The following FARP2 variants were observed in gnomAD, a reference collection of about 807,000 sequenced individuals.
FARP2 encodes FERM, ARH/RhoGEF and pleckstrin domain protein 2.
In FARP2, 111 loss-of-function variants were observed where a neutral mutation model predicts 130.5. That is an observed-to-expected ratio of 0.85 (90% CI 0.73 to 1.00). The LOEUF (loss-of-function observed/expected upper bound fraction) is 1.00, where lower values mean the gene tolerates loss of function less well. Among genes scored for constraint, FARP2 ranks in the 50% least tolerant of loss-of-function variants. The pLI, the probability that FARP2 is intolerant of heterozygous loss-of-function variation, is 0.00. For synonymous variants in FARP2, 504 were observed against 516.9 expected (o/e 0.98, Z 0.34); for missense variants, 1,385 against 1,346.3 (o/e 1.03, Z -0.45).
intron 21 of FARP2, among the ~76,000 whole-genome samples, chr2:241,487,277 A>T (rs62190415): frequency 6.6e-6 from 1 of 152,172 alleles, no homozygotes; most frequent in African/African-American, 2.4e-5. Context: ...GGAACCCAGC[A>T]AATGCTTGTT....
intron 8 of FARP2, among the ~76,000 whole-genome samples, chr2:241,426,229 A>G (rs2150386926): frequency 6.6e-6 from 1 of 152,276 alleles, no homozygotes; most frequent in South Asian, 2.1e-4. Context: ...CCAGGGACTC[A>G]TTTCTTTTGC....
At chr2:241,368,635 G>A (rs1375455121) in intron 1 of FARP2, among the ~76,000 whole-genome samples, 1 of 152,056 alleles carries the variant, frequency 6.6e-6, no homozygotes, top group Non-Finnish European at 1.5e-5. Context: ...TTCTATTAAT[G>A]TATTTTTTTA....
chr2:241,402,839 TATATATATATATATATATATATATA>T lies in FARP2; in HGVS notation c.184-988_184-964del, dbSNP rs2062208522. 2.9e-4 allele frequency among the ~76,000 whole-genome samples: 9 copies of T among 30,850 alleles called. 1 individual carries two copies. The highest frequency in any genetic ancestry group is 1.4e-3 in the South Asian group (1 of 700). The allele number at this position is 30,850 out of a possible 152,430, so 20.2% of individuals were successfully genotyped here. On this transcript the variant is annotated intron_variant, in intron 2 of 26. Coordinates refer to ENST00000264042, the MANE Select transcript of FARP2 (RefSeq NM_014808.4). ...CACGCCACTACACCCAGCTAATTTA[TATATATATATATATATATATATATA>T]TATATATATATATATATTTTTTTTT...
Position 241,411,044 on chromosome 2 carries a change from C to T in FARP2, c.422C>T (p.Ala141Val), listed in dbSNP as rs1384099620. 6.2e-7 allele frequency: 1 copy of T among 1,608,344 alleles called. No homozygotes were observed. The highest frequency in any genetic ancestry group is 1.1e-5 in the South Asian group (1 of 90,198). Residue 141 changes from alanine to valine, a missense_variant, in exon 6 of 27, where the codon GCC becomes GTC. Ala to Val is a moderately conservative substitution (Grantham distance 64, BLOSUM62 0). Transcript: ENST00000264042. ...LQEEYTRYLF[A>V]LQLKRDLLEE... ...GAACTCTCTTCTAGATACTTGTTTG[C>T]CTTGCAACTTAAGAGAGACCTGCTG...
intron 22 of FARP2, 81 bp from the exon 23 acceptor site, chr2:241,490,980 C>G (rs1176760316): frequency 9.4e-7 from 1 of 1,064,974 alleles, no homozygotes; most frequent in African/African-American, 1.5e-5. Flanking sequence ...AACAGGTGCC[C>G]TGACGGCTCG....
intron 2 of FARP2, among the ~76,000 whole-genome samples, chr2:241,399,597 A>G (rs1162258664): frequency 1.3e-5 from 2 of 152,196 alleles, no homozygotes; most frequent in Non-Finnish European, 2.9e-5. Flanking sequence ...GGCATGAGCC[A>G]CCACACCCAG....
In FARP2 at chr2:241,373,211, T is replaced by C. The variant is rs753162768; in HGVS notation, c.104T>C (p.Leu35Pro). 1.9e-6 allele frequency: 3 copies of C among 1,575,982 alleles called. No individual in the cohort carries two copies. The highest frequency in any genetic ancestry group is 2.3e-5 in the East Asian group (1 of 43,218). The change falls in exon 2 of 27, where the codon CTC (leucine) becomes CCC (proline). Residue 35 changes from leucine (L) to proline (P), a missense_variant. Leu to Pro is a moderately conservative substitution (Grantham distance 98, BLOSUM62 -3). Transcript: ENST00000264042. Reference protein sequence around the residue: ...GVSTLEPGQTLLPRMQEKHLH... With the variant: ...GVSTLEPGQTPLPRMQEKHLH... ...AGCACCCTTGAGCCTGGGCAGACTC[T>C]CTTGCCCAGAATGCAAGAGAAGCAC... is the stretch of plus-strand genomic sequence containing the variant.
intron 7 of FARP2, 43 bp downstream of exon 7, chr2:241,413,464 A>C (rs1241785339): frequency 7.7e-7 from 1 of 1,298,460 alleles, no homozygotes; most frequent in East Asian, 2.3e-5. Flanking sequence ...TCACCACAGT[A>C]ATGACTAAAG....
chr2:241,397,713 T>G (rs1295386239), intron 2 of FARP2, among the ~76,000 whole-genome samples: 1 of 151,998 alleles, frequency 6.6e-6, no homozygotes, highest in Non-Finnish European at 1.5e-5. Context: ...GAGTTGTAGG[T>G]TCTTGGTGTA....
intron 4 of FARP2, among the ~76,000 whole-genome samples, chr2:241,406,272 C>CA (rs1487337347): frequency 1.3e-5 from 2 of 152,038 alleles, no homozygotes; most frequent in Non-Finnish European, 2.9e-5. Flanking sequence ...CACGTCACTG[C>CA]ACTCCAGCCT....
At chr2:241,435,103 G>C in intron 11 of FARP2, 73 bp downstream of exon 11, 15 of 851,440 alleles carry the variant, frequency 1.8e-5, no homozygotes, top group Non-Finnish European at 2.7e-5. Flanking sequence ...TGGAGAGAGA[G>C]CGAAAAGAGA....
intron 19 of FARP2, among the ~76,000 whole-genome samples, chr2:241,481,047 TGTCTC>T (rs2124878423): frequency 8.0e-6 from 1 of 125,550 alleles, no homozygotes; most frequent in East Asian, 2.3e-4. Context: ...ACTGATACCT[TGTCTC>T]TACCAAAAAA....
At chr2:241,486,488 C>A (rs1176662992) in intron 21 of FARP2, among the ~76,000 whole-genome samples, 73 of 100,338 alleles carry the variant, frequency 7.3e-4, no homozygotes, top group Non-Finnish European at 1.1e-3. Context: ...AAAAAAAAAA[C>A]ACAGAGAAAA....
intron 3 of FARP2, 42 bp downstream of exon 3, chr2:241,403,974 T>A (rs778448122): frequency 6.3e-5 from 69 of 1,088,990 alleles, no homozygotes; most frequent in Non-Finnish European, 9.0e-5. Flanking sequence ...CCTTTGGGCC[T>A]GCTGTGATGA....
intron 2 of FARP2, among the ~76,000 whole-genome samples, chr2:241,399,430 A>G (rs1161852963): frequency 6.6e-6 from 1 of 152,084 alleles, no homozygotes; most frequent in East Asian, 1.9e-4. Flanking sequence ...TCAGCCTCCC[A>G]AGTAGCTGGA....
intron 21 of FARP2, 156 bp from the exon 22 acceptor site, chr2:241,489,806 T>G: frequency 1.7e-6 from 1 of 581,880 alleles, no homozygotes; most frequent in Non-Finnish European, 3.1e-6. Context: ...GATACCAGTG[T>G]CCTCCTTGGC....
At chr2:241,466,695 C>T (rs994510468) in intron 17 of FARP2, 2 of 677,968 alleles carry the variant, frequency 2.9e-6, no homozygotes, top group South Asian at 6.8e-5. Flanking sequence ...AACCACCCCC[C>T]CCCCCACCAC....
Position 241,492,925 on chromosome 2 carries a change from A to ATAT in FARP2, c.2788-4_2788-3insTAT. On this transcript the variant is annotated splice_region_variant and splice_polypyrimidine_tract_variant and intron_variant, in intron 24 of 26. Coordinates refer to ENST00000264042, the MANE Select transcript of FARP2 (RefSeq NM_014808.4). ...ATGCACCTGCATTTTTCCTTTATTG[A>ATAT]CAGAACCAGCTTTCAGGATATCTGC... 1.3e-6 allele frequency: 2 copies of ATAT among 1,586,276 alleles called. No individual in the cohort carries two copies. Among genetic ancestry groups the ATAT allele is most frequent in the Non-Finnish European group, 1.7e-6 (2 of 1,154,828 alleles).
intron 1 of FARP2, among the ~76,000 whole-genome samples, chr2:241,362,798 A>G (rs985222046): frequency 6.6e-6 from 1 of 152,200 alleles, no homozygotes; most frequent in African/African-American, 2.4e-5. Context: ...ATCTGACTTC[A>G]AAGATAATGT....
Sources: allele counts gnomAD v4.1 joint callset (sites outside exome capture counted in the v4.1 genomes callset), GRCh38; gene constraint gnomAD v4.1.1; transcripts MANE v1.5; gene names NCBI Gene and HGNC (gene_info 2026-07-23, HGNC 2026-07-21).